CDH4: variants seen among roughly 807,000 people sequenced by gnomAD.
CDH4 encodes cadherin-4.
A neutral mutation model predicts 86.0 loss-of-function variants in CDH4; 33 were observed. That is an observed-to-expected ratio of 0.38 (90% CI 0.29 to 0.51). The LOEUF (loss-of-function observed/expected upper bound fraction) is 0.51. Ranked by LOEUF, CDH4 falls within the 20% of genes least tolerant of loss-of-function variation. The pLI is 0.86. For missense variants in CDH4, 1,114 were observed against 1,307.4 expected (o/e 0.85, Z 2.28); for synonymous variants, 555 against 549.4 (o/e 1.01, Z -0.14).
rs1981459132 is a variant in CDH4, at chr20:61,829,045, C to T, written c.577-15623C>T. On this transcript the variant is annotated intron_variant, in intron 4 of 15. Transcript: ENST00000614565. The surrounding 1 kb of genome is among the most constrained non-coding windows in gnomAD (Gnocchi z 4.2). ...CACTGACATCATGGGAGGCGGAGCA[C>T]TGGAGGCTCTGGCAGTCATGCTCGC... is the stretch of plus-strand genomic sequence containing the variant. Among the ~76,000 whole-genome samples, 1 of 152,210 alleles carries T rather than the reference C, an allele frequency of 6.6e-6. No individual in the cohort carries two copies. Among genetic ancestry groups the T allele is most frequent in the Non-Finnish European group, 1.5e-5 (1 of 68,040 alleles).
intron 7 of CDH4, among the ~76,000 whole-genome samples, chr20:61,894,495 G>T (rs576548903): frequency 1.3e-5 from 2 of 152,254 alleles, no homozygotes; most frequent in East Asian, 3.9e-4. Context: ...CTCAAGAAAC[G>T]AAGTCCCTCC....
At position 61,709,701 on chromosome 20, in the gene CDH4, A is replaced by T. The variant is rs956741401; in HGVS notation, c.170-33862A>T. Among the ~76,000 whole-genome samples the T allele has an allele frequency of 6.6e-6, 1 of 152,096 alleles. No individual in the cohort carries two copies. The highest frequency in any genetic ancestry group is 2.4e-5 in the African/African-American group (1 of 41,404). On this transcript the variant is annotated intron_variant, in intron 2 of 15. Transcript: ENST00000614565. This position sits in a 1 kb window ranked among gnomAD's most constrained non-coding sequence, Gnocchi z 4.8. Reference sequence around the variant, plus strand: ...GCAAATGGCACCCATAAATGGAAGCAATATTGGTGATGCTCCACTCTACAC... The same window carrying T: ...GCAAATGGCACCCATAAATGGAAGCTATATTGGTGATGCTCCACTCTACAC...
chr20:61,283,718 C>T (rs1273270890), intron 2 of CDH4, among the ~76,000 whole-genome samples: 1 of 152,232 alleles, frequency 6.6e-6, no homozygotes, highest in East Asian at 1.9e-4. Context: ...AACCAGACAG[C>T]ACATCTCTCA....
intron 2 of CDH4, among the ~76,000 whole-genome samples, chr20:61,373,449 A>T (rs1225081235): frequency 6.6e-6 from 1 of 152,180 alleles, no homozygotes; most frequent in Non-Finnish European, 1.5e-5. Flanking sequence ...AACAGCAATG[A>T]TATTCTTTGT....
chr20:61,600,573 C>T (rs1463461760), intron 2 of CDH4, among the ~76,000 whole-genome samples: 2 of 152,170 alleles, frequency 1.3e-5, no homozygotes, highest in African/African-American at 4.8e-5. Flanking sequence ...TGCCTCAGCC[C>T]AGGAAGCACT....
intron 3 of CDH4, among the ~76,000 whole-genome samples, chr20:61,759,276 C>T (rs866409222): frequency 3.4e-4 from 52 of 152,188 alleles, no homozygotes; most frequent in African/African-American, 6.3e-4. Flanking sequence ...AAAAATAAAA[C>T]CCTCTGTGGT....
intron 2 of CDH4, among the ~76,000 whole-genome samples, chr20:61,270,919 A>G (rs940354104): frequency 6.6e-6 from 1 of 152,126 alleles, no homozygotes. Flanking sequence ...CTCTGGATTC[A>G]TAGTCTGGGA....
At chr20:61,475,209 A>G (rs991868793) in intron 2 of CDH4, among the ~76,000 whole-genome samples, 2 of 152,202 alleles carry the variant, frequency 1.3e-5, no homozygotes, top group African/African-American at 4.8e-5. Context: ...CACTAATAGA[A>G]ATGTGGCGTC....
chr20:61,403,351 C>T (rs969528961), intron 2 of CDH4, among the ~76,000 whole-genome samples: 2 of 152,168 alleles, frequency 1.3e-5, no homozygotes, highest in African/African-American at 4.8e-5. Context: ...AACCTGCAGT[C>T]CTTCATACTG....
At chr20:61,414,242 T>C (rs2085134996) in intron 2 of CDH4, among the ~76,000 whole-genome samples, 1 of 152,240 alleles carries the variant, frequency 6.6e-6, no homozygotes, top group African/African-American at 2.4e-5. Context: ...AACGTGGGTT[T>C]CCCAGCGTGA....
At chr20:61,397,393 A>G (rs2085023796) in intron 2 of CDH4, among the ~76,000 whole-genome samples, 1 of 152,058 alleles carries the variant, frequency 6.6e-6, no homozygotes, top group Non-Finnish European at 1.5e-5. Context: ...AACTTCACCC[A>G]ACTGTGTTCA....
chr20:61,848,940 A>G (rs1982587518), intron 5 of CDH4, among the ~76,000 whole-genome samples: 1 of 152,164 alleles, frequency 6.6e-6, no homozygotes, highest in African/African-American at 2.4e-5. Flanking sequence ...TGCCTCCTGC[A>G]CACCAGGTTC....
At chr20:61,560,514 G>T (rs530049138) in intron 2 of CDH4, among the ~76,000 whole-genome samples, 1 of 152,240 alleles carries the variant, frequency 6.6e-6, no homozygotes. Flanking sequence ...GTTTTTAGGA[G>T]CCACAGCTCA....
chr20:61,922,305 A>G (rs1362995307), intron 9 of CDH4, among the ~76,000 whole-genome samples: 2 of 152,100 alleles, frequency 1.3e-5, no homozygotes, highest in South Asian at 4.1e-4. Flanking sequence ...AGCTTTTTCC[A>G]TGTAACTTCC....
rs564824093 is a variant in CDH4, at chr20:61,857,969, G to A, written c.877+5071G>A. 2.2e-3 allele frequency among the ~76,000 whole-genome samples: 327 copies of A among 151,886 alleles called. 2 individuals carry two copies. Among genetic ancestry groups the A allele is most frequent in the African/African-American group, 7.7e-3 (318 of 41,412 alleles). On this transcript the variant is annotated intron_variant, in intron 6 of 15. Coordinates refer to ENST00000614565, the MANE Select transcript of CDH4 (RefSeq NM_001794.5). ...TCTCTGTGTCTGTGTGTGTCTCTGT[G>A]TGTCTCTGTGTCTGAGTGTGTGTGT...
At chr20:61,734,042 A>G (rs1423343739) in intron 2 of CDH4, among the ~76,000 whole-genome samples, 2 of 152,194 alleles carry the variant, frequency 1.3e-5, no homozygotes, top group African/African-American at 4.8e-5. Context: ...TTCACAGAGA[A>G]GCAATTAGAC....
At chr20:61,354,506 CGTTGCT>C (rs1222655854) in intron 2 of CDH4, among the ~76,000 whole-genome samples, 1 of 152,196 alleles carries the variant, frequency 6.6e-6, no homozygotes, top group African/African-American at 2.4e-5. Flanking sequence ...CTGCTGTTGC[CGTTGCT>C]GTTGAAATAA....
chr20:61,852,668 T>G (rs1188755146), intron 5 of CDH4, 86 bp from the exon 6 acceptor site: 13 of 1,424,940 alleles, frequency 9.1e-6, no homozygotes, highest in Non-Finnish European at 1.1e-5. Flanking sequence ...ATCAGTCTCC[T>G]ACCCCAGCAC....
At chr20:61,282,488 G>T (rs1377706841) in intron 2 of CDH4, among the ~76,000 whole-genome samples, 1 of 152,294 alleles carries the variant, frequency 6.6e-6, no homozygotes, top group South Asian at 2.1e-4. Flanking sequence ...GAATAAAAGG[G>T]TAACTTCATT....
Sources: gnomAD v4.1 joint callset for allele counts (sites outside exome capture counted in the v4.1 genomes callset) on GRCh38, gnomAD v4.1.1 for gene constraint, Gnocchi (gnomAD v3.1) non-coding constraint, MANE v1.5 for transcripts, NCBI Gene and HGNC (gene_info 2026-07-23, HGNC 2026-07-21) for gene names.